SH3GL2: variants seen among roughly 807,000 people sequenced by gnomAD.
The protein encoded by SH3GL2 is SH3 domain containing GRB2 like 2, endophilin A1, also known as endophilin-A1.
Under a neutral mutation model 46.0 loss-of-function variants are expected in SH3GL2, and 24 were observed. The ratio of observed to expected loss-of-function variants is 0.52; its 90% confidence interval spans 0.38 to 0.73. The LOEUF is 0.73. Ranked by LOEUF, SH3GL2 falls within the 30% of genes least tolerant of loss-of-function variation. The pLI is 0.00. For missense variants in SH3GL2, 413 were observed against 424.2 expected, an observed-to-expected ratio of 0.97 and a Z score of 0.23; for synonymous variants, 196 against 147.1, an observed-to-expected ratio of 1.33 and a Z score of -2.40.
intron 1 of SH3GL2, among the ~76,000 whole-genome samples, chr9:17,679,613 C>G (rs1206749637): frequency 1.3e-5 from 2 of 152,030 alleles, no homozygotes; most frequent in Non-Finnish European, 2.9e-5. Flanking sequence ...AATTGAATAC[C>G]CTTTATTTCT....
At chr9:17,790,675 A>G (rs1824101942) in intron 6 of SH3GL2, among the ~76,000 whole-genome samples, 1 of 152,166 alleles carries the variant, frequency 6.6e-6, no homozygotes, top group African/African-American at 2.4e-5. Context: ...ATCAAGAGAA[A>G]TCAAGCTTAG....
chr9:17,672,476 T>A (rs1820498793), intron 1 of SH3GL2, among the ~76,000 whole-genome samples: 1 of 152,130 alleles, frequency 6.6e-6, no homozygotes, highest in Non-Finnish European at 1.5e-5. Flanking sequence ...CCAGATAATA[T>A]CTGGCATGTA....
intron 1 of SH3GL2, among the ~76,000 whole-genome samples, chr9:17,614,741 C>T (rs1453361132): frequency 6.6e-6 from 1 of 152,100 alleles, no homozygotes; most frequent in East Asian, 1.9e-4. Context: ...AGTTCTACAG[C>T]TGAGAGGTGG....
intron 1 of SH3GL2, among the ~76,000 whole-genome samples, chr9:17,665,443 T>G (rs1299733789): frequency 1.3e-5 from 2 of 152,176 alleles, no homozygotes; most frequent in African/African-American, 4.8e-5. Flanking sequence ...AGGCAAATTA[T>G]TTTGTAGAAT....
At chr9:17,779,785 A>G (rs9407870) in intron 3 of SH3GL2, among the ~76,000 whole-genome samples, 7 of 152,152 alleles carry the variant, frequency 4.6e-5, no homozygotes, top group Admixed American at 1.3e-4. Flanking sequence ...CCCCACCACC[A>G]TCCTTTGAGC....
chr9:17,790,946 G>A (rs994695468), intron 6 of SH3GL2, among the ~76,000 whole-genome samples: 1 of 152,134 alleles, frequency 6.6e-6, no homozygotes, highest in East Asian at 1.9e-4. Context: ...TTGTAGCTAA[G>A]CATGAGACTC....
At chr9:17,588,005 T>C (rs1206959467) in intron 1 of SH3GL2, among the ~76,000 whole-genome samples, 2 of 152,200 alleles carry the variant, frequency 1.3e-5, no homozygotes, top group Non-Finnish European at 2.9e-5. Flanking sequence ...TAGACCTAAT[T>C]TTCATCCAGT....
intron 1 of SH3GL2, among the ~76,000 whole-genome samples, chr9:17,584,401 G>T (rs983780528): frequency 2.6e-5 from 4 of 152,184 alleles, no homozygotes; most frequent in African/African-American, 9.7e-5. Context: ...TACCCAGGAG[G>T]CTGAGGCAGG....
intron 3 of SH3GL2, among the ~76,000 whole-genome samples, chr9:17,779,112 G>T (rs1307419413): frequency 6.6e-6 from 1 of 152,096 alleles, no homozygotes; most frequent in Non-Finnish European, 1.5e-5. Context: ...GATAAGAGGT[G>T]GGACTTCAGG....
rs181625264 is a variant in SH3GL2, at chr9:17,588,336, A to G, written c.45+9049A>G. Among the ~76,000 whole-genome samples, 90 of 152,290 alleles carry G rather than the reference A, an allele frequency of 5.9e-4. 1 individual carries two copies. The highest frequency in any genetic ancestry group is 2.1e-3 in the African/African-American group (89 of 41,564). On this transcript the variant is annotated intron_variant, in intron 1 of 8. Coordinates refer to ENST00000380607, the MANE Select transcript of SH3GL2 (RefSeq NM_003026.5). ...TCTCCTCCCCTTTGAGTGTGGGTGCAATGTTCAATTTGAAAAGATGTTATT... is the reference window on the plus strand; with the variant it reads ...TCTCCTCCCCTTTGAGTGTGGGTGCGATGTTCAATTTGAAAAGATGTTATT...
At chr9:17,740,246 A>G (rs1251269721) in intron 1 of SH3GL2, among the ~76,000 whole-genome samples, 2 of 152,100 alleles carry the variant, frequency 1.3e-5, no homozygotes, top group African/African-American at 4.8e-5. Context: ...TTTGAAATCC[A>G]TTTTCAAAAC....
At chr9:17,697,457 C>T (rs1265748128) in intron 1 of SH3GL2, among the ~76,000 whole-genome samples, 3 of 152,028 alleles carry the variant, frequency 2.0e-5, no homozygotes, top group Non-Finnish European at 4.4e-5. Context: ...CTCCTGACCT[C>T]GTGATCCGCC....
intron 1 of SH3GL2, among the ~76,000 whole-genome samples, chr9:17,581,286 C>A (rs1465615477): frequency 6.6e-6 from 1 of 152,178 alleles, no homozygotes; most frequent in African/African-American, 2.4e-5. Context: ...TAGGAAAGAA[C>A]TTAAAAGGTT....
chr9:17,657,160 T>G (rs1326452009), intron 1 of SH3GL2, among the ~76,000 whole-genome samples: 1 of 152,164 alleles, frequency 6.6e-6, no homozygotes, highest in Admixed American at 6.5e-5. Flanking sequence ...CAGTTTAACT[T>G]TTTTTGTGCC....
intron 1 of SH3GL2, among the ~76,000 whole-genome samples, chr9:17,597,304 T>C (rs1299134967): frequency 1.3e-5 from 2 of 152,150 alleles, no homozygotes; most frequent in African/African-American, 4.8e-5. Flanking sequence ...GGCAGATCAC[T>C]TGAGTTCAGG....
chr9:17,591,728 A>G (rs1288134005), intron 1 of SH3GL2, among the ~76,000 whole-genome samples: 1 of 152,216 alleles, frequency 6.6e-6, no homozygotes, highest in Admixed American at 6.5e-5. Context: ...TAGTAGCCCA[A>G]GATGGAGTTA....
chr9:17,695,504 G>T (rs1454737455), intron 1 of SH3GL2, among the ~76,000 whole-genome samples: 1 of 152,028 alleles, frequency 6.6e-6, no homozygotes, highest in East Asian at 1.9e-4. Context: ...TAATCTCAGG[G>T]GAACAAATGC....
At chr9:17,773,031 T>C (rs1012294986) in intron 3 of SH3GL2, among the ~76,000 whole-genome samples, 1 of 152,166 alleles carries the variant, frequency 6.6e-6, no homozygotes, top group Non-Finnish European at 1.5e-5. Flanking sequence ...ACCATCCTTA[T>C]GAGTGTGAGG....
chr9:17,776,059 T>C (rs1052356452), intron 3 of SH3GL2, among the ~76,000 whole-genome samples: 2 of 152,126 alleles, frequency 1.3e-5, no homozygotes, highest in African/African-American at 4.8e-5. Flanking sequence ...ATCATAATCA[T>C]CTAGGGTGGG....
Sources: allele counts gnomAD v4.1 joint callset (sites outside exome capture counted in the v4.1 genomes callset), GRCh38; gene constraint gnomAD v4.1.1; transcripts MANE v1.5; gene names NCBI Gene and HGNC (gene_info 2026-07-23, HGNC 2026-07-21).